UBE2D4: variants seen among roughly 807,000 people sequenced by gnomAD.
UBE2D4 encodes ubiquitin-conjugating enzyme E2 D4.
UBE2D4 carries 17 observed loss-of-function variants against 23.0 expected under a neutral mutation model. The ratio of observed to expected loss-of-function variants is 0.74; its 90% CI spans 0.51 to 1.11. The LOEUF (loss-of-function observed/expected upper bound fraction) is 1.11, where lower values mean the gene tolerates loss of function less well. Among genes scored for constraint, UBE2D4 ranks in the 50% least tolerant of loss-of-function variants. The pLI is 0.00. For synonymous variants in UBE2D4, 61 were observed against 69.4 expected (o/e 0.88, Z 0.60); for missense variants, 139 against 181.8 (o/e 0.76, Z 1.35).
intron 1 of UBE2D4, among the ~76,000 whole-genome samples, chr7:43,935,621 T>TG (rs2095956709): frequency 6.6e-6 from 1 of 152,196 alleles, no homozygotes. Context: ...TTTAGTCCCT[T>TG]TAAGTTTGCA....
chr7:43,943,001 T>TAGC lies in UBE2D4; in HGVS notation c.168_169insAGC (p.Phe56_Pro57insSer). 6.2e-7 allele frequency: 1 copy of TAGC among 1,614,200 alleles called. No homozygotes were observed. Among genetic ancestry groups the TAGC allele is most frequent in the Non-Finnish European group, 8.5e-7 (1 of 1,180,028 alleles). ...GTGTTTTCTTCCTGACCATCCACTT[T>TAGC]CCTACAGATTACCCGTTCAAGCCCC... On this transcript the variant is annotated inframe_insertion, in exon 4 of 7. Transcript: ENST00000222402.
chr7:43,947,594 A>T (rs569937872), intron 4 of UBE2D4, among the ~76,000 whole-genome samples: 1 of 152,240 alleles, frequency 6.6e-6, no homozygotes, highest in Non-Finnish European at 1.5e-5. Context: ...ATTGATGGAC[A>T]TTTGGGTTGG....
chr7:43,950,647 C>T lies in UBE2D4; in HGVS notation c.353C>T (p.Pro118Leu). 1 of 1,614,222 alleles carries T rather than the reference C, an allele frequency of 6.2e-7. No individual in the cohort carries two copies. The change falls in exon 6 of 7, where the codon CCC (proline) becomes CTC (leucine). Residue 118 changes from proline (P) to leucine (L), a missense_variant. Transcript: ENST00000222402. ...CTCTGCGACCCCAACCCCGATGACC[C>T]CCTGGTGCCAGAGATAGCACACACC... is the stretch of plus-strand genomic sequence containing the variant. The part of the protein sequence containing the change: ...SLLCDPNPDD[P>L]LVPEIAHTYK...
intron 2 of UBE2D4, chr7:43,942,421 C>G: frequency 2.9e-6 from 1 of 345,774 alleles, no homozygotes; most frequent in South Asian, 3.0e-5. Context: ...CAGTCATGCT[C>G]TCAGGGTGGA....
rs1303520111 is a variant in UBE2D4 at position 43,944,865 on chromosome 7, TG to T, written c.198+1835del. On this transcript the variant is annotated intron_variant, in intron 4 of 6. Transcript: ENST00000222402. This position sits in a 1 kb window ranked among gnomAD's most constrained non-coding sequence, Gnocchi z 4.0. ...TTTTCTAGCTTGTCTCTTTCATTAC[TG>T]TGTGAGCAGCTGAGGATTTTCCTTA... 6.6e-6 allele frequency: 1 copy of T among 152,260 alleles called. No homozygotes were observed. The highest frequency in any genetic ancestry group is 6.5e-5 in the Admixed American group (1 of 15,284). 9.4% of individuals were successfully genotyped at this position (152,260 alleles called of 1,614,324 possible). A position where few individuals can be genotyped will look rare whatever the true frequency, so the allele number is the denominator to read the frequency against.
At chr7:43,946,842 G>A (rs1161243359) in intron 4 of UBE2D4, among the ~76,000 whole-genome samples, 1 of 151,958 alleles carries the variant, frequency 6.6e-6, no homozygotes, top group Non-Finnish European at 1.5e-5. Context: ...AGGGTTTGTG[G>A]CCTGGCAGAG....
At position 43,955,864 on chromosome 7, in the gene UBE2D4, A is replaced by G. The variant is rs2096012189; in HGVS notation, c.*3169A>G. ...TTCTGGACCTCTACTGGATCTAGCC[A>G]TAAATGGTGGTCTTCAGAAAAATGG... is the stretch of plus-strand genomic sequence containing the variant. On this transcript the variant is annotated 3_prime_UTR_variant, in exon 7 of 7. Transcript: ENST00000222402. The G allele has an allele frequency of 6.6e-6, 1 of 152,042 alleles. No homozygotes were observed. Among genetic ancestry groups the G allele is most frequent in the Admixed American group, 6.6e-5 (1 of 15,266 alleles). The allele number at this position is 152,042 out of a possible 1,614,324, so 9.4% of individuals were successfully genotyped here.
rs2095949341 is a variant in UBE2D4, at chr7:43,932,983, A to AGT, written c.25-5447_25-5446dup. The stretch of plus-strand genomic sequence containing the variant: ...CCCTCCTGGGGGCAACAAATGTTAA[A>AGT]GTATATATATATATATATATATATA... On this transcript the variant is annotated intron_variant, in intron 1 of 6. Coordinates refer to ENST00000222402, the MANE Select transcript of UBE2D4 (RefSeq NM_015983.4). Among the ~76,000 whole-genome samples the AGT allele has an allele frequency of 5.3e-5, 3 of 56,754 alleles. No individual in the cohort carries two copies. In the South Asian group the frequency reaches 2.3e-3, roughly 44 times the overall value. 37.2% of individuals were successfully genotyped at this position (56,754 alleles called of 152,430 possible).
intron 1 of UBE2D4, among the ~76,000 whole-genome samples, chr7:43,932,442 T>C (rs1403055419): frequency 2.0e-5 from 3 of 152,202 alleles, no homozygotes; most frequent in Admixed American, 2.0e-4. Context: ...AGATCCAAAC[T>C]ATATCAATAC....
chr7:43,933,009 T>TAC (rs1562597653), intron 1 of UBE2D4, among the ~76,000 whole-genome samples: 1 of 129,008 alleles, frequency 7.8e-6, no homozygotes, highest in Non-Finnish European at 1.6e-5. Flanking sequence ...TATATATATA[T>TAC]ATATACACAC....
chr7:43,938,432 A>T lies in UBE2D4; in HGVS notation c.26A>T (p.Glu9Val). The change falls in exon 2 of 7, where the codon GAA becomes GTA. Residue 9 changes from glutamate (E) to valine (V), a missense_variant and splice_region_variant. Physicochemically the swap from Glu to Val is moderately radical, Grantham distance 121. Coordinates refer to ENST00000222402, the MANE Select transcript of UBE2D4 (RefSeq NM_015983.4). ...CTGACCCACTCTCTCATGTTCTAGG[A>T]ATTAACCGACTTGCAGAGGGATCCT... Reference protein sequence around the residue: MALKRIQKELTDLQRDPPA... With the variant: MALKRIQKVLTDLQRDPPA... 1.4e-5 allele frequency: 22 copies of T among 1,613,946 alleles called. No homozygotes were observed. Among genetic ancestry groups the T allele is most frequent in the Non-Finnish European group, 1.9e-5 (22 of 1,179,956 alleles).
At chr7:43,934,813 G>A (rs2095954934) in intron 1 of UBE2D4, among the ~76,000 whole-genome samples, 2 of 152,072 alleles carry the variant, frequency 1.3e-5, no homozygotes, top group Non-Finnish European at 2.9e-5. Flanking sequence ...TGCTGGTCAC[G>A]TTTTAGTAAA....
chr7:43,926,644 G>A, intron 1 of UBE2D4, 88 bp downstream of exon 1: 1 of 1,403,656 alleles, frequency 7.1e-7, no homozygotes, highest in Non-Finnish European at 9.5e-7. Context: ...GAAAGGTGAC[G>A]GAGGCTCCGC....
chr7:43,930,411 A>C (rs766145672), intron 1 of UBE2D4, among the ~76,000 whole-genome samples: 1 of 152,206 alleles, frequency 6.6e-6, no homozygotes, highest in Non-Finnish European at 1.5e-5. Context: ...TTTCAAATGA[A>C]TGTTTCAAAT....
chr7:43,927,916 C>T (rs925090439), intron 1 of UBE2D4: 42 of 374,004 alleles, frequency 1.1e-4, no homozygotes, highest in African/African-American at 6.6e-4. Flanking sequence ...TTTGCTGTTA[C>T]GAACTGTGTA....
chr7:43,953,135 G>A lies in UBE2D4; in HGVS notation c.*440G>A. ...AGTGCCATCCTGGGTGCCCAGGGCAGAGCAGGCTTTGTTCGCACCTCATCT... is the reference window on the plus strand; with the variant it reads ...AGTGCCATCCTGGGTGCCCAGGGCAAAGCAGGCTTTGTTCGCACCTCATCT... On this transcript the variant is annotated 3_prime_UTR_variant, in exon 7 of 7. Transcript: ENST00000222402. 2.2e-6 allele frequency: 1 copy of A among 456,988 alleles called. No individual in the cohort carries two copies. Among genetic ancestry groups the A allele is most frequent in the Non-Finnish European group, 4.4e-6 (1 of 227,148 alleles). The allele number at this position is 456,988 out of a possible 1,614,324, so 28.3% of individuals were successfully genotyped here.
chr7:43,927,985 A>T (rs1280830788), intron 1 of UBE2D4: 2 of 447,796 alleles, frequency 4.5e-6, no homozygotes, highest in Non-Finnish European at 8.9e-6. Context: ...AATAAAGAAA[A>T]GAGGTTTATT....
chr7:43,938,831 AAAAC>A (rs1439569559), intron 2 of UBE2D4, among the ~76,000 whole-genome samples: 1 of 152,364 alleles, frequency 6.6e-6, no homozygotes, highest in South Asian at 2.1e-4. Flanking sequence ...CTCTGTCTGA[AAAAC>A]AAACAAACAC....
At position 43,942,810 on chromosome 7, in the gene UBE2D4, CTCTTT is replaced by C; in HGVS notation, c.89-14_89-10del. On this transcript the variant is annotated splice_polypyrimidine_tract_variant and intron_variant, in intron 2 of 6. Coordinates refer to ENST00000222402, the MANE Select transcript of UBE2D4 (RefSeq NM_015983.4). ...TGGGGGGTCTCTTACATGCCCGTCT[CTCTTT>C]TGTTTTGTAGTGTTCCACTGGCAGG... is the stretch of plus-strand genomic sequence containing the variant. 2 of 1,614,186 alleles carry C rather than the reference CTCTTT, an allele frequency of 1.2e-6. No homozygotes were observed. Among genetic ancestry groups the C allele is most frequent in the Non-Finnish European group, 1.7e-6 (2 of 1,180,042 alleles).
Sources: allele counts gnomAD v4.1 joint callset (sites outside exome capture counted in the v4.1 genomes callset), GRCh38; gene constraint gnomAD v4.1.1; non-coding constraint Gnocchi (gnomAD v3.1); transcripts MANE v1.5; gene names NCBI Gene and HGNC (gene_info 2026-07-23, HGNC 2026-07-21).